Variants in PHF14 observed in about 807,000 individuals in gnomAD.
The protein encoded by PHF14 is PHD finger protein 14.
A neutral mutation model predicts 117.9 loss-of-function variants in PHF14; 55 were observed. That is an observed-to-expected ratio of 0.47 (90% CI 0.38 to 0.58). The LOEUF is 0.58. Among genes scored for constraint, PHF14 ranks in the 20% least tolerant of loss-of-function variants. The pLI is 0.00. For synonymous variants in PHF14, 409 were observed against 368.6 expected (o/e 1.11, Z -1.26); for missense variants, 978 against 1,122.2 (o/e 0.87, Z 1.84).
Position 11,151,681 on chromosome 7 carries a change from A to G in PHF14, c.2773-17735A>G, listed in dbSNP as rs139729863. Among the ~76,000 whole-genome samples the G allele has an allele frequency of 2.8e-4, 43 of 152,272 alleles. 1 individual carries two copies. The East Asian group carries it at 7.7e-3, about 27-fold the overall frequency. On this transcript the variant is annotated intron_variant, in intron 17 of 17. Transcript: ENST00000634607. The stretch of plus-strand genomic sequence containing the variant: ...CCTTTAAGACTCTTGAGTTTGAGCT[A>G]TCAATGTTCCCAAGACCCCCAGGAG...
intron 17 of PHF14, among the ~76,000 whole-genome samples, chr7:11,169,208 T>A (rs774657034): frequency 6.6e-5 from 10 of 152,292 alleles, no homozygotes; most frequent in Non-Finnish European, 1.3e-4. Flanking sequence ...AATTGGTTGC[T>A]TTTAAAAACA....
chr7:11,094,886 C>G (rs528014432), intron 16 of PHF14, among the ~76,000 whole-genome samples: 3 of 152,230 alleles, frequency 2.0e-5, no homozygotes, highest in East Asian at 3.9e-4. Context: ...GACATCAGCT[C>G]TCTCATGGCT....
intron 16 of PHF14, among the ~76,000 whole-genome samples, chr7:11,100,030 A>G (rs767747204): frequency 3.3e-5 from 5 of 152,126 alleles, no homozygotes; most frequent in African/African-American, 4.8e-5. Context: ...TTGGAGTCAT[A>G]CAAAACAAGT....
At chr7:11,136,023 T>A (rs1788211729) in intron 17 of PHF14, among the ~76,000 whole-genome samples, 1 of 152,122 alleles carries the variant, frequency 6.6e-6, no homozygotes, top group African/African-American at 2.4e-5. Context: ...TAGAAAAAAA[T>A]TGGTAAGCTT....
At chr7:11,126,141 C>G (rs948128197) in intron 17 of PHF14, among the ~76,000 whole-genome samples, 4 of 151,994 alleles carry the variant, frequency 2.6e-5, no homozygotes, top group Non-Finnish European at 5.9e-5. Flanking sequence ...ATCATTTTTC[C>G]AAAGCACAGA....
intron 17 of PHF14, among the ~76,000 whole-genome samples, chr7:11,153,950 T>C (rs200202333): frequency 6.3e-5 from 4 of 63,888 alleles, no homozygotes; most frequent in East Asian, 1.2e-3. Context: ...TGTGTGTGCG[T>C]GTGTGTGTGT....
chr7:11,098,629 C>T (rs1786967654), intron 16 of PHF14, among the ~76,000 whole-genome samples: 1 of 152,142 alleles, frequency 6.6e-6, no homozygotes, highest in Non-Finnish European at 1.5e-5. Context: ...CAGAGCAGGG[C>T]ATATGTTGTC....
chr7:11,149,890 C>G (rs1212552979), intron 17 of PHF14, among the ~76,000 whole-genome samples: 1 of 151,758 alleles, frequency 6.6e-6, no homozygotes, highest in African/African-American at 2.4e-5. Flanking sequence ...ATATCTTTCT[C>G]TTTTCTGCTT....
intron 17 of PHF14, among the ~76,000 whole-genome samples, chr7:11,123,436 TTAAA>T (rs1562477125): frequency 1.3e-5 from 2 of 152,110 alleles, no homozygotes; most frequent in Admixed American, 6.5e-5. Context: ...GAAGATATGA[TTAAA>T]TATGCTATAA....
intron 17 of PHF14, among the ~76,000 whole-genome samples, chr7:11,145,267 T>A (rs1001780443): frequency 7.6e-6 from 1 of 131,072 alleles, no homozygotes; most frequent in African/African-American, 2.9e-5. Flanking sequence ...ATTATAGGTG[T>A]ATGTCCTCAC....
chr7:11,163,319 T>G (rs1284799218), intron 17 of PHF14, among the ~76,000 whole-genome samples: 2 of 152,216 alleles, frequency 1.3e-5, no homozygotes, highest in East Asian at 1.9e-4. Flanking sequence ...TAAATTTAAT[T>G]AAGCATTTCT....
rs116691397 is a variant in PHF14, at chr7:11,050,419, T to C, written c.2313-1193T>C. Among the ~76,000 whole-genome samples, 818 of 152,308 alleles carry C rather than the reference T, an allele frequency of 5.4e-3. 5 individuals carry two copies. The highest frequency in any genetic ancestry group is 0.019 in the African/African-American group (779 of 41,580). ...CATTTGAAGAAAATATGAGTAAAAA[T>C]TTACTTTTAACAACTGGTTTTAACT... is the stretch of plus-strand genomic sequence containing the variant. On this transcript the variant is annotated intron_variant, in intron 13 of 17. Transcript: ENST00000634607.
At chr7:11,159,243 A>G (rs1265880553) in intron 17 of PHF14, among the ~76,000 whole-genome samples, 2 of 152,026 alleles carry the variant, frequency 1.3e-5, no homozygotes, top group Non-Finnish European at 2.9e-5. Flanking sequence ...CCATTTATAT[A>G]AATTCTATTT....
At position 11,013,810 on chromosome 7, in the gene PHF14, A is replaced by C; in HGVS notation, c.1109A>C (p.Glu370Ala). ...AGTTCAGCTTCTGAAAACTCCACTG[A>C]ACCTTGGTTTTGTGATGCCTGTAAA... ...IMSSASENST[E>A]PWFCDACKCG... The change falls in exon 5 of 18, where the codon GAA becomes GCA. Residue 370 changes from glutamate (E) to alanine (A), a missense_variant. Glu to Ala is a moderately radical substitution (Grantham distance 107, BLOSUM62 -1). This residue lies in a region of PHF14 where 86 missense variants were observed against 137.8 expected (regional missense o/e 0.62). Transcript: ENST00000634607. The C allele has an allele frequency of 1.2e-6, 2 of 1,609,054 alleles. No homozygotes were observed. Among genetic ancestry groups the C allele is most frequent in the Non-Finnish European group, 1.7e-6 (2 of 1,176,036 alleles).
At chr7:11,035,851 G>C (rs755032968) in intron 8 of PHF14, 65 bp downstream of exon 8, 4 of 1,279,952 alleles carry the variant, frequency 3.1e-6, no homozygotes, top group Non-Finnish European at 4.4e-6. Context: ...TTTACGTCTC[G>C]TGTGGCTTCC....
chr7:10,978,628 T>C (rs1781947836), intron 2 of PHF14, among the ~76,000 whole-genome samples: 1 of 152,192 alleles, frequency 6.6e-6, no homozygotes, highest in South Asian at 2.1e-4. Flanking sequence ...ATTGGCATTT[T>C]GTGTTGGATA....
At chr7:11,153,066 A>T (rs1190925189) in intron 17 of PHF14, among the ~76,000 whole-genome samples, 3 of 152,204 alleles carry the variant, frequency 2.0e-5, no homozygotes, top group Non-Finnish European at 4.4e-5. Flanking sequence ...GAGAGTTCCA[A>T]GCATGGGTGG....
At position 11,153,177 on chromosome 7, in the gene PHF14, T is replaced by A. The variant is rs567756239; in HGVS notation, c.2773-16239T>A. On this transcript the variant is annotated intron_variant, in intron 17 of 17. Coordinates refer to ENST00000634607, the MANE Select transcript of PHF14 (RefSeq NM_001007157.2). ...GCAAGGAGGCTGATTAGGAAGCTAT[T>A]GGATTAATCCACAGGCAAGAAACAT... Among the ~76,000 whole-genome samples the A allele has an allele frequency of 1.4e-4, 21 of 152,304 alleles. No individual in the cohort carries two copies. In the South Asian group the frequency reaches 4.4e-3, roughly 32 times the overall value.
chr7:11,139,702 G>A (rs1486466903), intron 17 of PHF14, among the ~76,000 whole-genome samples: 2 of 152,098 alleles, frequency 1.3e-5, no homozygotes, highest in Non-Finnish European at 2.9e-5. Flanking sequence ...ATTTACCTTG[G>A]TTTCTGAAAT....
Sources: gnomAD v4.1 joint callset for allele counts (sites outside exome capture counted in the v4.1 genomes callset) on GRCh38, gnomAD v4.1.1 for gene constraint, gnomAD v4.1.1 regional missense constraint, MANE v1.5 for transcripts, NCBI Gene and HGNC (gene_info 2026-07-23, HGNC 2026-07-21) for gene names.